The following CTNNA3 variants were observed in gnomAD, a reference collection of about 807,000 sequenced individuals.
The protein encoded by CTNNA3 is catenin alpha 3, also known as catenin alpha-3.
A neutral mutation model predicts 95.7 loss-of-function variants in CTNNA3; 76 were observed. The ratio of observed to expected loss-of-function variants is 0.79; its 90% CI spans 0.66 to 0.96. The LOEUF (loss-of-function observed/expected upper bound fraction) is 0.96, where lower values mean the gene tolerates loss of function less well. Ranked by LOEUF, CTNNA3 falls within the 40% of genes least tolerant of loss-of-function variation. CTNNA3 has a pLI of 0.00. For missense variants in CTNNA3, 1,191 were observed against 1,089.8 expected (o/e 1.09, Z -1.31); for synonymous variants, 431 against 374.4 (o/e 1.15, Z -1.74).
intron 9 of CTNNA3, among the ~76,000 whole-genome samples, chr10:66,714,731 C>A (rs895673939): frequency 3.0e-4 from 46 of 152,214 alleles, no homozygotes; most frequent in Admixed American, 2.9e-3. Flanking sequence ...AGGTGGGGCC[C>A]AGCCATCTGT....
intron 10 of CTNNA3, among the ~76,000 whole-genome samples, chr10:66,554,719 C>A (rs575417971): frequency 2.0e-5 from 3 of 152,182 alleles, no homozygotes; most frequent in African/African-American, 7.2e-5. Context: ...TGTAGTATAT[C>A]ACTTTCTATA....
At chr10:67,053,622 C>A (rs1231942638) in intron 7 of CTNNA3, among the ~76,000 whole-genome samples, 3 of 152,056 alleles carry the variant, frequency 2.0e-5, no homozygotes, top group Non-Finnish European at 4.4e-5. Context: ...TTTGAGGATC[C>A]TTTTCTAAAC....
chr10:66,408,764 A>T (rs2091191615), intron 11 of CTNNA3, among the ~76,000 whole-genome samples: 1 of 152,212 alleles, frequency 6.6e-6, no homozygotes, highest in Admixed American at 6.5e-5. Flanking sequence ...TCTAATGAGT[A>T]CATTAAACAT....
chr10:66,092,743 C>G (rs7897342), intron 14 of CTNNA3, among the ~76,000 whole-genome samples: 35,731 of 151,392 alleles, frequency 0.24, 4,327 homozygotes, highest in South Asian at 0.36. Context: ...TGAATACCAA[C>G]GTTCTACTCT....
Position 66,794,298 on chromosome 10 carries a change from G to A in CTNNA3, c.1048-18774C>T, listed in dbSNP as rs111735173. ...GTACAGGAATACCTCAAAGATATTC[G>A]GGTTCAGTTCCATACCAACACAGTA... On this transcript the variant is annotated intron_variant, in intron 7 of 17. Transcript: ENST00000433211. 3.4e-3 allele frequency among the ~76,000 whole-genome samples: 518 copies of A among 152,134 alleles called. 2 individuals carry two copies. The highest frequency in any genetic ancestry group is 0.012 in the African/African-American group (494 of 41,518).
intron 5 of CTNNA3, among the ~76,000 whole-genome samples, chr10:67,360,010 G>C (rs114101469): frequency 3.8e-4 from 58 of 152,232 alleles, no homozygotes; most frequent in African/African-American, 1.3e-3. Flanking sequence ...CTTCTCAGTA[G>C]GTTTCTACTT....
intron 7 of CTNNA3, among the ~76,000 whole-genome samples, chr10:67,111,860 C>A (rs1729739742): frequency 6.6e-6 from 1 of 151,976 alleles, no homozygotes; most frequent in East Asian, 1.9e-4. Context: ...AGCTTCTCAT[C>A]ATAGCAAATC....
intron 11 of CTNNA3, among the ~76,000 whole-genome samples, chr10:66,430,377 T>G (rs1237732306): frequency 2.0e-5 from 3 of 152,190 alleles, no homozygotes; most frequent in African/African-American, 7.2e-5. Flanking sequence ...ACCAATGACT[T>G]TCTTCACAGA....
At chr10:67,177,240 G>C (rs1169874255) in intron 7 of CTNNA3, among the ~76,000 whole-genome samples, 1 of 152,126 alleles carries the variant, frequency 6.6e-6, no homozygotes, top group African/African-American at 2.4e-5. Context: ...TGAACGTTGA[G>C]ATTCCATTTT....
intron 5 of CTNNA3, among the ~76,000 whole-genome samples, chr10:67,417,784 T>A (rs1845597104): frequency 2.0e-5 from 3 of 152,150 alleles, no homozygotes; most frequent in Admixed American, 2.0e-4. Flanking sequence ...ATATGTTAAA[T>A]TTTTTATATT....
At chr10:67,748,157 T>C (rs770332728) in intron 1 of CTNNA3, among the ~76,000 whole-genome samples, 6 of 152,058 alleles carry the variant, frequency 3.9e-5, no homozygotes, top group Non-Finnish European at 8.8e-5. Flanking sequence ...ACAGAAAGAA[T>C]GGAACCAAGT....
At chr10:66,498,935 A>G (rs191191262) in intron 11 of CTNNA3, among the ~76,000 whole-genome samples, 1 of 152,318 alleles carries the variant, frequency 6.6e-6, no homozygotes, top group Admixed American at 6.5e-5. Flanking sequence ...TACTCCTGTA[A>G]AAATCATATA....
rs59917713 is a variant in CTNNA3, at chr10:66,647,108, G to A, written c.1282-25324C>T. ...AAAATTCAGAAGAAATAAGTGCCTC[G>A]CACAGGCCTTAACACACAAGTTGTG... On this transcript the variant is annotated intron_variant, in intron 9 of 17. Transcript: ENST00000433211. 7.4e-3 allele frequency among the ~76,000 whole-genome samples: 1,126 copies of A among 152,186 alleles called. 16 individuals are homozygous for A. Among genetic ancestry groups the A allele is most frequent in the African/African-American group, 0.026 (1,076 of 41,498 alleles).
chr10:66,548,720 A>C (rs74143403), intron 10 of CTNNA3, among the ~76,000 whole-genome samples: 2,479 of 152,234 alleles, frequency 0.016, 48 homozygotes, highest in African/African-American at 0.046. Context: ...ATTAAAAATC[A>C]ATTACAACAA....
intron 10 of CTNNA3, among the ~76,000 whole-genome samples, chr10:66,567,655 G>A (rs759885700): frequency 6.6e-6 from 1 of 151,968 alleles, no homozygotes; most frequent in Non-Finnish European, 1.5e-5. Context: ...GAGAGAGAGA[G>A]GAAAATTTCA....
intron 4 of CTNNA3, 113 bp downstream of exon 4, chr10:67,539,390 T>C: frequency 9.2e-7 from 1 of 1,091,320 alleles, no homozygotes; most frequent in African/African-American, 1.6e-5. Context: ...TCTGAAGGGG[T>C]GATGTTAAGA....
intron 7 of CTNNA3, among the ~76,000 whole-genome samples, chr10:66,778,309 G>A (rs1158401011): frequency 6.6e-6 from 1 of 152,114 alleles, no homozygotes; most frequent in East Asian, 1.9e-4. Context: ...AAGGCAAGGA[G>A]AAATAGCCCC....
intron 3 of CTNNA3, among the ~76,000 whole-genome samples, chr10:67,579,270 T>A (rs975645994): frequency 1.4e-5 from 2 of 138,922 alleles, no homozygotes; most frequent in Admixed American, 1.6e-4. Flanking sequence ...GTTCTCGTTG[T>A]TCAATTCCCA....
intron 13 of CTNNA3, among the ~76,000 whole-genome samples, chr10:66,116,541 G>A (rs1448356634): frequency 6.6e-6 from 1 of 152,080 alleles, no homozygotes; most frequent in Non-Finnish European, 1.5e-5. Flanking sequence ...ATATGATTCA[G>A]TAATAAAAAG....
Sources: allele counts gnomAD v4.1 joint callset (sites outside exome capture counted in the v4.1 genomes callset), GRCh38; gene constraint gnomAD v4.1.1; transcripts MANE v1.5; gene names NCBI Gene and HGNC (gene_info 2026-07-23, HGNC 2026-07-21).